CREB3L2: variants seen among roughly 807,000 people sequenced by gnomAD.
CREB3L2 encodes cAMP responsive element binding protein 3 like 2, also known as cyclic AMP-responsive element-binding protein 3-like protein 2.
CREB3L2 carries 23 observed loss-of-function variants against 57.2 expected under a neutral mutation model. That is an observed-to-expected ratio of 0.40 (90% CI 0.29 to 0.57). The LOEUF (loss-of-function observed/expected upper bound fraction) is 0.57, where lower values mean the gene tolerates loss of function less well. Among genes scored for constraint, CREB3L2 ranks in the 20% least tolerant of loss-of-function variants. The pLI is 0.42. For synonymous variants in CREB3L2, 268 were observed against 265.1 expected (o/e 1.01, Z -0.11); for missense variants, 628 against 634.7 (o/e 0.99, Z 0.11).
chr7:137,950,262 T>C (rs1436959215), intron 1 of CREB3L2, among the ~76,000 whole-genome samples: 3 of 152,156 alleles, frequency 2.0e-5, no homozygotes, highest in Non-Finnish European at 4.4e-5. Flanking sequence ...TCCAATGGGA[T>C]AGCTATTCTC....
At chr7:137,984,323 A>G (rs1801759856) in intron 1 of CREB3L2, among the ~76,000 whole-genome samples, 2 of 152,224 alleles carry the variant, frequency 1.3e-5, no homozygotes, top group Non-Finnish European at 2.9e-5. Context: ...AGGGATGGCC[A>G]GTGAAACCTA....
chr7:137,956,624 T>A (rs988715370), intron 1 of CREB3L2: 1 of 1,289,016 alleles, frequency 7.8e-7, no homozygotes, highest in Non-Finnish European at 1.0e-6. Context: ...GCCGAATATT[T>A]CTCGAGAAGC....
intron 1 of CREB3L2, among the ~76,000 whole-genome samples, chr7:137,953,701 A>G (rs1437437829): frequency 1.3e-5 from 2 of 152,248 alleles, no homozygotes; most frequent in Non-Finnish European, 2.9e-5. Context: ...ATCAGAAAGC[A>G]GCTGTAATAT....
chr7:137,984,227 T>C (rs185073974), intron 1 of CREB3L2, among the ~76,000 whole-genome samples: 3 of 152,312 alleles, frequency 2.0e-5, no homozygotes, highest in Admixed American at 1.3e-4. Flanking sequence ...ATCCTACCCG[T>C]CTTCCTTACT....
At chr7:137,914,956 C>T (rs1033478701) in intron 3 of CREB3L2, among the ~76,000 whole-genome samples, 2 of 152,024 alleles carry the variant, frequency 1.3e-5, no homozygotes, top group Admixed American at 6.6e-5. Flanking sequence ...TGCAGTGCCT[C>T]GATCTCGGCT....
Position 137,985,089 on chromosome 7 carries a change from A to T in CREB3L2, c.102+16515T>A, listed in dbSNP as rs962257181. On this transcript the variant is annotated intron_variant, in intron 1 of 11. Coordinates refer to ENST00000330387, the MANE Select transcript of CREB3L2 (RefSeq NM_194071.4). ...CCAAGAGACATTGAGATTTGGGCAC[A>T]GTTTTCAGTCAGCTCCCTCTTCAAA... Among the ~76,000 whole-genome samples the T allele has an allele frequency of 3.9e-5, 6 of 152,242 alleles. No individual in the cohort carries two copies. The East Asian group carries it at 1.2e-3, about 29-fold the overall frequency.
rs1018486215 is a variant in CREB3L2, at chr7:137,877,832, T to C, written c.*2644A>G. ...CCACTGATATTCTGGTCTTAATCCC[T>C]GAACAGAAAATGTGCACACATCCAT... On this transcript the variant is annotated 3_prime_UTR_variant, in exon 12 of 12. Coordinates refer to ENST00000330387, the MANE Select transcript of CREB3L2 (RefSeq NM_194071.4). 44 of 228,390 alleles carry C rather than the reference T, an allele frequency of 1.9e-4. No homozygotes were observed. Among genetic ancestry groups the C allele is most frequent in the African/African-American group, 8.9e-4 (40 of 45,076 alleles). 14.1% of individuals were successfully genotyped at this position (228,390 alleles called of 1,614,324 possible). A position where few individuals can be genotyped will look rare whatever the true frequency, so the allele number is the denominator to read the frequency against.
At chr7:137,903,604 A>G (rs971098294) in intron 7 of CREB3L2, among the ~76,000 whole-genome samples, 1 of 152,076 alleles carries the variant, frequency 6.6e-6, no homozygotes, top group Admixed American at 6.5e-5. Context: ...GGGGCTGATT[A>G]AGTAGCACTG....
intron 1 of CREB3L2, among the ~76,000 whole-genome samples, chr7:137,992,524 G>C (rs1801917731): frequency 1.3e-5 from 2 of 152,240 alleles, no homozygotes. Flanking sequence ...TACCCAGCCA[G>C]AGCTGTTCTG....
rs181689234 is a variant in CREB3L2 at position 137,895,372 on chromosome 7, G to A, written c.1043+5982C>T. 1.9e-3 allele frequency among the ~76,000 whole-genome samples: 294 copies of A among 152,304 alleles called. 1 individual carries two copies. Among genetic ancestry groups the A allele is most frequent in the Non-Finnish European group, 2.2e-3 (149 of 68,020 alleles). On this transcript the variant is annotated intron_variant, in intron 8 of 11. Transcript: ENST00000330387. ...ATTTCTTGATGGAGCACAGGAAGAA[G>A]GGCCCCCTGGGAAACCATCTCACTC... is the stretch of plus-strand genomic sequence containing the variant.
rs1301579805 is a variant in CREB3L2, at chr7:137,880,547, T to C, written c.1492A>G (p.Ser498Gly). 1.2e-6 allele frequency: 2 copies of C among 1,613,332 alleles called. No homozygotes were observed. The highest frequency in any genetic ancestry group is 2.2e-5 in the East Asian group (1 of 44,886). Residue 498 changes from serine (S) to glycine (G), a missense_variant, in exon 12 of 12, where the codon AGC (serine) becomes GGC (glycine). Ser to Gly is a moderately conservative substitution (Grantham distance 56). This residue lies in a region of CREB3L2 where 272 missense variants were observed against 242.7 expected (regional missense o/e 1.12). Coordinates refer to ENST00000330387, the MANE Select transcript of CREB3L2 (RefSeq NM_194071.4). This position sits in a 1 kb window ranked among gnomAD's most constrained non-coding sequence, Gnocchi z 4.0. ...VLLELQQHLV[S>G]AKLEGNETLK... is the part of the protein sequence containing the mutation. ...GTTTCATTCCCCTCCAGTTTGGCGCTGACCCTGTGAAGGCATTAAAAGGAA... is the reference window on the plus strand; with the variant it reads ...GTTTCATTCCCCTCCAGTTTGGCGCCGACCCTGTGAAGGCATTAAAAGGAA...
rs544754419 is a variant in CREB3L2 at position 137,954,576 on chromosome 7, C to T, written c.103-26210G>A. Among the ~76,000 whole-genome samples, 8 of 152,294 alleles carry T rather than the reference C, an allele frequency of 5.3e-5. No homozygotes were observed. The East Asian group carries it at 7.7e-4, about 15-fold the overall frequency. On this transcript the variant is annotated intron_variant, in intron 1 of 11. Coordinates refer to ENST00000330387, the MANE Select transcript of CREB3L2 (RefSeq NM_194071.4). ...GCTCTATAAAGGCAGCTTATGCTTG[C>T]GTCCAAACTACCCTAGGAGCACTCC... is the stretch of plus-strand genomic sequence containing the variant.
intron 1 of CREB3L2, among the ~76,000 whole-genome samples, chr7:137,950,153 A>G (rs966927252): frequency 4.6e-5 from 7 of 152,140 alleles, no homozygotes; most frequent in Non-Finnish European, 7.3e-5. Context: ...TGCAAAAGCC[A>G]CACTCTTTCC....
intron 1 of CREB3L2, among the ~76,000 whole-genome samples, chr7:137,964,691 T>C (rs928213919): frequency 6.6e-6 from 1 of 152,234 alleles, no homozygotes; most frequent in Non-Finnish European, 1.5e-5. Flanking sequence ...AATTCTACCA[T>C]TCTTTTCAAA....
intron 5 of CREB3L2, among the ~76,000 whole-genome samples, chr7:137,906,414 T>C (rs188480482): frequency 2.6e-4 from 40 of 152,224 alleles, no homozygotes; most frequent in Non-Finnish European, 4.9e-4. Context: ...ACAAGAACAG[T>C]AGCACATCTC....
At chr7:137,891,967 G>T (rs1799536002) in intron 8 of CREB3L2, among the ~76,000 whole-genome samples, 1 of 152,110 alleles carries the variant, frequency 6.6e-6, no homozygotes, top group Non-Finnish European at 1.5e-5. Context: ...GTGTGTGTGT[G>T]CCCATATGTA....
chr7:137,901,884 A>AAAAAAAG (rs1799767219), intron 7 of CREB3L2, among the ~76,000 whole-genome samples: 1 of 149,254 alleles, frequency 6.7e-6, no homozygotes, highest in East Asian at 1.9e-4. Flanking sequence ...CAAAAAAAAA[A>AAAAAAAG]AAAAAAAAGA....
intron 7 of CREB3L2, among the ~76,000 whole-genome samples, chr7:137,903,596 G>T (rs1335368603): frequency 2.6e-5 from 4 of 152,136 alleles, no homozygotes; most frequent in African/African-American, 9.7e-5. Context: ...GGCCAATGGG[G>T]GCTGATTAAG....
At chr7:137,953,511 C>T in intron 1 of CREB3L2, 4 of 1,289,008 alleles carry the variant, frequency 3.1e-6, no homozygotes, top group Non-Finnish European at 4.0e-6. Context: ...ACACGACTCT[C>T]CTGAAAGGGA....
Sources: allele counts gnomAD v4.1 joint callset (sites outside exome capture counted in the v4.1 genomes callset), GRCh38; gene constraint gnomAD v4.1.1; regional missense constraint gnomAD v4.1.1; non-coding constraint Gnocchi (gnomAD v3.1); transcripts MANE v1.5; gene names NCBI Gene and HGNC (gene_info 2026-07-23, HGNC 2026-07-21).